Variants in PUDP observed in about 807,000 individuals in gnomAD.
PUDP encodes pseudouridine 5'-phosphatase.
PUDP carries 8 observed loss-of-function variants against 9.4 expected under a neutral mutation model. That is an observed-to-expected ratio of 0.85 (90% confidence interval 0.50 to 1.53). PUDP has a LOEUF of 1.53. PUDP is among the 40% of genes most tolerant of loss of function. The probability of loss-of-function intolerance (pLI) is 0.00; values close to 1 mark genes in which losing one functional copy is unlikely to be tolerated. For synonymous variants in PUDP, 99 were observed against 80.7 expected (o/e 1.23, Z -1.22); for missense variants, 188 against 189.7 (o/e 0.99, Z 0.05).
upstream of PUDP, among the ~76,000 whole-genome samples, chrX:6,722,638 G>A (rs757496677): frequency 2.7e-5 from 3 of 111,428 alleles, no homozygotes; most frequent in East Asian, 2.8e-4. Context: ...TGGAAACTAC[G>A]CTAAAAGATA....
At chrX:6,813,303 G>A (rs755551102) in intron 3 of PUDP, among the ~76,000 whole-genome samples, 72 of 111,384 alleles carry the variant, frequency 6.5e-4, no homozygotes, top group Non-Finnish European at 1.1e-3. Flanking sequence ...ACAATACACG[G>A]GAATAGCTAA....
chrX:6,716,530 G>A (rs891773811), intron 1 of PUDP, among the ~76,000 whole-genome samples: 7 of 111,906 alleles, frequency 6.3e-5, no homozygotes, highest in East Asian at 2.8e-4. Context: ...AAACTGAGAC[G>A]TGAACCATGT....
chrX:7,096,196 CA>C (rs113705763), intron 2 of PUDP, among the ~76,000 whole-genome samples: 34,994 of 104,140 alleles, frequency 0.34, 4,493 homozygotes, highest in Middle Eastern at 0.47. Context: ...GACCTACTTC[CA>C]AAAAAAAAAA....
intron 3 of PUDP, among the ~76,000 whole-genome samples, chrX:6,865,924 A>G (rs1037948006): frequency 7.1e-5 from 4 of 56,092 alleles, no homozygotes; most frequent in Non-Finnish European, 1.3e-4. Flanking sequence ...CTATTTTTTA[A>G]GTTAAAAAAA....
At chrX:7,051,686 A>T (rs1275395838) in intron 3 of PUDP, among the ~76,000 whole-genome samples, 1 of 112,360 alleles carries the variant, frequency 8.9e-6, no homozygotes, top group Non-Finnish European at 1.9e-5. Flanking sequence ...CCTCCAAAGG[A>T]GACACCCCAG....
At chrX:6,842,748 C>A (rs1454577291) in intron 3 of PUDP, among the ~76,000 whole-genome samples, 1 of 112,082 alleles carries the variant, frequency 8.9e-6, no homozygotes, top group Non-Finnish European at 1.9e-5. Context: ...ACTGGCATTT[C>A]TTAATAGCTA....
intron 3 of PUDP, among the ~76,000 whole-genome samples, chrX:6,726,593 T>TA (rs1196701811): frequency 3.6e-5 from 4 of 111,926 alleles, no homozygotes; most frequent in Non-Finnish European, 7.5e-5. Context: ...GGAAAACATA[T>TA]ATATTCTAAA....
At chrX:6,778,330 G>A (rs1051943553) in intron 3 of PUDP, among the ~76,000 whole-genome samples, 13 of 112,415 alleles carry the variant, frequency 1.2e-4, no homozygotes, top group African/African-American at 3.6e-4. Context: ...TAAAGAATAG[G>A]GTATCTATAC....
rs145656073 is a variant in PUDP at position 6,947,292 on chromosome X, C to T, written c.*247+29841G>A. On this transcript the variant is annotated intron_variant and NMD_transcript_variant, in intron 3 of 3. Coordinates refer to the PUDP transcript ENST00000655425. ...CCCCCCAAAGTGCTGGGATTACAGGCATGAGTCACTGCACCCGGCTGAAAG... is the reference window on the plus strand; with the variant it reads ...CCCCCCAAAGTGCTGGGATTACAGGTATGAGTCACTGCACCCGGCTGAAAG... 1.3e-4 allele frequency among the ~76,000 whole-genome samples: 14 copies of T among 111,344 alleles called. No homozygotes were observed. The East Asian group carries it at 3.7e-3, about 29-fold the overall frequency.
At chrX:6,720,258 G>GTGTGTA (rs1555907522) in intron 1 of PUDP, among the ~76,000 whole-genome samples, 4 of 48,801 alleles carry the variant, frequency 8.2e-5, no homozygotes, top group African/African-American at 2.1e-4. Context: ...GTGTGTGTGT[G>GTGTGTA]TATATATATA....
At chrX:6,926,548 G>A (rs1928104820) in intron 3 of PUDP, among the ~76,000 whole-genome samples, 1 of 112,316 alleles carries the variant, frequency 8.9e-6, no homozygotes, top group South Asian at 3.7e-4. Flanking sequence ...AGAGAAAAAT[G>A]AGGCAGCTCC....
chrX:6,962,146 C>T (rs947563939), intron 3 of PUDP, among the ~76,000 whole-genome samples: 1 of 111,707 alleles, frequency 9.0e-6, no homozygotes, highest in East Asian at 2.8e-4. Context: ...ATTCCCTGTG[C>T]TATGTAAGTA....
chrX:6,956,084 C>G (rs1336459708), intron 3 of PUDP, among the ~76,000 whole-genome samples: 2 of 112,471 alleles, frequency 1.8e-5, no homozygotes. Context: ...AAATCTCGCT[C>G]TGTCGCCCAG....
In PUDP at chrX:6,756,952, G is replaced by A. The variant is rs142925832; in HGVS notation, c.*248-50486C>T. On this transcript the variant is annotated intron_variant and NMD_transcript_variant, in intron 3 of 3. Transcript: ENST00000655425. The stretch of plus-strand genomic sequence containing the variant: ...TCAAGTGGGAAGATTTGTAGATCAC[G>A]GGATACGGACAAGGTATAGTGAGTT... Among the ~76,000 whole-genome samples, 168 of 112,240 alleles carry A rather than the reference G, an allele frequency of 1.5e-3. 1 individual carries two copies. Among genetic ancestry groups the A allele is most frequent in the Admixed American group, 3.0e-3 (32 of 10,569 alleles).
chrX:6,804,478 T>C (rs146512602), intron 3 of PUDP, among the ~76,000 whole-genome samples: 2,239 of 111,799 alleles, frequency 0.02, 55 homozygotes, highest in African/African-American at 0.07. Context: ...GTCTATTGAA[T>C]GGTGAAAAAA....
chrX:6,894,279 T>C (rs753072147), intron 3 of PUDP, among the ~76,000 whole-genome samples: 10 of 111,097 alleles, frequency 9.0e-5, no homozygotes, highest in Non-Finnish European at 1.5e-4. Context: ...GAAAAAAAAA[T>C]TTAGAGCCTT....
intron 3 of PUDP, among the ~76,000 whole-genome samples, chrX:6,792,665 T>TATACA (rs1341194863): frequency 8.9e-6 from 1 of 112,225 alleles, no homozygotes; most frequent in Non-Finnish European, 1.9e-5. Flanking sequence ...ATTATACTTC[T>TATACA]ATACAACTGT....
At chrX:6,863,880 G>A (rs1362745141) in intron 3 of PUDP, among the ~76,000 whole-genome samples, 1 of 111,912 alleles carries the variant, frequency 8.9e-6, no homozygotes, top group South Asian at 3.7e-4. Flanking sequence ...TCTGACAGCT[G>A]CAGGGATTTA....
chrX:7,097,046 C>A (rs1931593341), intron 2 of PUDP, among the ~76,000 whole-genome samples: 1 of 111,298 alleles, frequency 9.0e-6, no homozygotes, highest in Non-Finnish European at 1.9e-5. Flanking sequence ...CTCACACACA[C>A]ACTCCAAAGA....
Sources: allele counts gnomAD v4.1 joint callset (sites outside exome capture counted in the v4.1 genomes callset), GRCh38; gene constraint gnomAD v4.1.1; transcripts MANE v1.5; gene names NCBI Gene and HGNC (gene_info 2026-07-23, HGNC 2026-07-21).